SLC6A5: variants seen among roughly 807,000 people sequenced by gnomAD.
SLC6A5 encodes the protein sodium- and chloride-dependent glycine transporter 2.
A neutral mutation model predicts 90.5 loss-of-function variants in SLC6A5; 58 were observed. That is an observed-to-expected ratio of 0.64 (90% CI 0.52 to 0.80). The LOEUF is 0.80. Ranked by LOEUF, SLC6A5 falls within the 30% of genes least tolerant of loss-of-function variation. The pLI is 0.00. For synonymous variants in SLC6A5, 427 were observed against 401.4 expected (o/e 1.06, Z -0.76); for missense variants, 1,015 against 1,017.6 (o/e 1.00, Z 0.03).
intron 13 of SLC6A5, among the ~76,000 whole-genome samples, chr11:20,642,476 G>T (rs985599518): frequency 1.3e-5 from 2 of 152,060 alleles, no homozygotes; most frequent in Non-Finnish European, 2.9e-5. Context: ...TTTCCCCCCT[G>T]CTGTTTTTCT....
At chr11:20,610,112 G>A (rs151263206) in intron 5 of SLC6A5, among the ~76,000 whole-genome samples, 2 of 152,266 alleles carry the variant, frequency 1.3e-5, no homozygotes, top group African/African-American at 4.8e-5. Flanking sequence ...GGTCTTTCAT[G>A]TGCTTTCATT....
chr11:20,647,209 TC>T (rs1853432973), intron 14 of SLC6A5, among the ~76,000 whole-genome samples: 1 of 114,634 alleles, frequency 8.7e-6, no homozygotes, highest in Non-Finnish European at 1.8e-5. Context: ...TTATATCAGT[TC>T]CTATATATAT....
At chr11:20,614,532 T>G in intron 5 of SLC6A5, 147 bp from the exon 6 acceptor site, 1 of 750,174 alleles carries the variant, frequency 1.3e-6, no homozygotes, top group Non-Finnish European at 2.3e-6. Context: ...TTAATATATC[T>G]GGCTTTGCCC....
intron 14 of SLC6A5, among the ~76,000 whole-genome samples, chr11:20,650,657 T>A (rs1169428985): frequency 4.7e-4 from 3 of 6,408 alleles, no homozygotes; most frequent in East Asian, 0.022. Context: ...CGCCTGTTCT[T>A]TTTTTTTTTT....
rs894782950 is a variant in SLC6A5 at position 20,604,313 on chromosome 11, G to A, written c.568G>A (p.Ala190Thr). Residue 190 changes from alanine to threonine, a missense_variant, in exon 3 of 16, where the codon GCC (alanine) becomes ACC (threonine). Ala to Thr is a moderately conservative substitution (Grantham distance 58). Around this residue, in one of 3 missense-constraint regions of SLC6A5, gnomAD observed 567 missense variants for 507.3 expected, o/e 1.12. Transcript: ENST00000525748. The part of the protein sequence containing the change: ...QEDEQGDENK[A>T]RGNWSSKLDF... The stretch of plus-strand genomic sequence containing the variant: ...GGACGAGCAAGGGGATGAGAATAAG[G>A]CCCGAGGGAACTGGTCCAGCAAACT... 6.2e-7 allele frequency: 1 copy of A among 1,613,776 alleles called. No individual in the cohort carries two copies. Among genetic ancestry groups the A allele is most frequent in the Non-Finnish European group, 8.5e-7 (1 of 1,179,772 alleles).
At position 20,637,187 on chromosome 11, in the gene SLC6A5, A is replaced by G; in HGVS notation, c.1753A>G (p.Thr585Ala). The G allele has an allele frequency of 2.5e-6, 4 of 1,613,842 alleles. No homozygotes were observed. The South Asian group carries it at 3.3e-5, about 13-fold the overall frequency. Residue 585 changes from threonine to alanine, a missense_variant, in exon 12 of 16, where the codon ACC (threonine) becomes GCC (alanine). By Grantham distance (58) the Thr-to-Ala change is moderately conservative. Transcript: ENST00000525748. ...ACGGTTCCAGTTTGCCACCATCGAG[A>G]CCATAGTGACCTCCATCTCAGACGA... ...GLDTMFATIETIVTSISDEFP... is the reference protein window; with the variant it reads ...GLDTMFATIEAIVTSISDEFP...
Position 20,656,017 on chromosome 11 carries a change from G to A in SLC6A5, c.*1149G>A, listed in dbSNP as rs1853632732. The A allele has an allele frequency of 6.6e-6, 1 of 152,186 alleles. No individual in the cohort carries two copies. Among genetic ancestry groups the A allele is most frequent in the African/African-American group, 2.4e-5 (1 of 41,436 alleles). The allele number at this position is 152,186 out of a possible 1,614,324, so 9.4% of individuals were successfully genotyped here. A position where few individuals can be genotyped will look rare whatever the true frequency, so the allele number is the denominator to read the frequency against. On this transcript the variant is annotated 3_prime_UTR_variant, in exon 16 of 16. Coordinates refer to ENST00000525748, the MANE Select transcript of SLC6A5 (RefSeq NM_004211.5). ...CTGATAAATACAGCTTAGGTAAGTA[G>A]CGAGTGAGCCAATTAAGACTATAGC...
At chr11:20,623,540 CT>C (rs1852932912) in intron 7 of SLC6A5, among the ~76,000 whole-genome samples, 1 of 152,162 alleles carries the variant, frequency 6.6e-6, no homozygotes, top group Non-Finnish European at 1.5e-5. Context: ...AGTATTCTTG[CT>C]ACATAGCAAC....
At chr11:20,626,896 G>T (rs1361236834) in intron 8 of SLC6A5, 54 bp downstream of exon 8, 3 of 1,530,392 alleles carry the variant, frequency 2.0e-6, no homozygotes, top group East Asian at 2.2e-5. Context: ...CCTCTGGGAG[G>T]CTTGGGCAAA....
chr11:20,646,745 T>C, intron 13 of SLC6A5, 89 bp from the exon 14 acceptor site: 1 of 875,250 alleles, frequency 1.1e-6, no homozygotes, highest in Non-Finnish European at 1.9e-6. Flanking sequence ...CCAATGGTGC[T>C]TGAGTGAGGG....
chr11:20,658,645 G>A lies in SLC6A5; in HGVS notation c.*3777G>A, dbSNP rs1266326914. On this transcript the variant is annotated 3_prime_UTR_variant, in exon 16 of 16. Transcript: ENST00000525748. ...CAGAAAGGCCAAGTAGTTTTGAAAT[G>A]TGGTCTTTGCTCAGGTCACCTCTGA... 1 of 152,174 alleles carries A rather than the reference G, an allele frequency of 6.6e-6. No individual in the cohort carries two copies. The highest frequency in any genetic ancestry group is 1.5e-5 in the Non-Finnish European group (1 of 68,034). The allele number at this position is 152,174 out of a possible 1,614,324, so 9.4% of individuals were successfully genotyped here.
chr11:20,655,723 CT>C lies in SLC6A5; in HGVS notation c.*857del, dbSNP rs1853629357. On this transcript the variant is annotated 3_prime_UTR_variant, in exon 16 of 16. Coordinates refer to ENST00000525748, the MANE Select transcript of SLC6A5 (RefSeq NM_004211.5). ...GGTTCAATGTCACGATCCTGTGTTT[CT>C]TCTCTAAATGTCTTTCTATAAGCTG... The C allele has an allele frequency of 6.6e-6, 1 of 152,210 alleles. No homozygotes were observed. The highest frequency in any genetic ancestry group is 2.1e-4 in the South Asian group (1 of 4,826). 9.4% of individuals were successfully genotyped at this position (152,210 alleles called of 1,614,324 possible). A position where few individuals can be genotyped will look rare whatever the true frequency, so the allele number is the denominator to read the frequency against.
At chr11:20,637,101 A>G in intron 11 of SLC6A5, 71 bp from the exon 12 acceptor site, 1 of 1,511,500 alleles carries the variant, frequency 6.6e-7, no homozygotes, top group Non-Finnish European at 9.2e-7. Context: ...GATGGGACAT[A>G]CAAAGGGCTT....
chr11:20,637,418 C>CA, intron 12 of SLC6A5, 115 bp downstream of exon 12: 1 of 905,438 alleles, frequency 1.1e-6, no homozygotes, highest in African/African-American at 1.6e-5. Context: ...AAATCACTAC[C>CA]ATTTCCATGT....
At chr11:20,617,196 G>T (rs897636091) in intron 6 of SLC6A5, among the ~76,000 whole-genome samples, 9 of 152,186 alleles carry the variant, frequency 5.9e-5, no homozygotes, top group African/African-American at 2.2e-4. Context: ...CTTGAGCAAG[G>T]TCTAGGCAGC....
intron 2 of SLC6A5, 73 bp downstream of exon 2, chr11:20,601,738 G>A: frequency 1.3e-6 from 2 of 1,503,898 alleles, no homozygotes; most frequent in South Asian, 2.3e-5. Flanking sequence ...CCGGGCCGTG[G>A]CGGGTGCACG....
intron 3 of SLC6A5, among the ~76,000 whole-genome samples, chr11:20,605,320 C>A (rs975903399): frequency 6.6e-6 from 1 of 152,216 alleles, no homozygotes; most frequent in Non-Finnish European, 1.5e-5. Flanking sequence ...GTTTTTGTCT[C>A]TTGGGTCCGC....
In SLC6A5 at chr11:20,606,917, G is replaced by C. The variant is rs555773318; in HGVS notation, c.680-90G>C. The stretch of plus-strand genomic sequence containing the variant: ...GCTAAATTGTCCTTTAGTTCTTTGA[G>C]AGGGAGCTCAGCCCCTAGCCCAGAG... On this transcript the variant is annotated intron_variant, in intron 3 of 15. Transcript: ENST00000525748. 2.6e-5 allele frequency: 40 copies of C among 1,545,006 alleles called. No homozygotes were observed. The East Asian group carries it at 8.1e-4, about 31-fold the overall frequency.
chr11:20,626,979 T>G, intron 8 of SLC6A5, 137 bp downstream of exon 8: 2 of 715,312 alleles, frequency 2.8e-6, no homozygotes, highest in East Asian at 2.6e-5. Context: ...TGGTACATTA[T>G]GCACTCAGGA....
Sources: gnomAD v4.1 joint callset for allele counts (sites outside exome capture counted in the v4.1 genomes callset) on GRCh38, gnomAD v4.1.1 for gene constraint, gnomAD v4.1.1 regional missense constraint, MANE v1.5 for transcripts, NCBI Gene and HGNC (gene_info 2026-07-23, HGNC 2026-07-21) for gene names.